MYO3B: variants seen among roughly 807,000 people sequenced by gnomAD.
The protein encoded by MYO3B is myosin IIIB, also known as myosin-IIIb.
A neutral mutation model predicts 174.6 loss-of-function variants in MYO3B; 156 were observed. The ratio of observed to expected loss-of-function variants is 0.89; its 90% CI spans 0.78 to 1.02. The LOEUF is 1.02. MYO3B is among the 50% of genes least tolerant of loss of function. MYO3B has a pLI of 0.00. For missense variants in MYO3B, 1,632 were observed against 1,639.4 expected, an observed-to-expected ratio of 1.00 and a Z score of 0.08; for synonymous variants, 563 against 569.1, an observed-to-expected ratio of 0.99 and a Z score of 0.15.
rs574186694 is a variant in MYO3B at position 170,524,803 on chromosome 2, C to T, written c.3575+5263C>T. Among the ~76,000 whole-genome samples, 48 of 152,158 alleles carry T rather than the reference C, an allele frequency of 3.2e-4. 1 individual carries two copies. The highest frequency in any genetic ancestry group is 5.8e-4 in the East Asian group (3 of 5,166). On this transcript the variant is annotated intron_variant, in intron 30 of 34. Transcript: ENST00000408978. ...CCTGGCCTGTGCTGAGGGTTTTACACGCATTATCCTGTTCAACCTTATGGG... is the reference window on the plus strand; with the variant it reads ...CCTGGCCTGTGCTGAGGGTTTTACATGCATTATCCTGTTCAACCTTATGGG...
chr2:170,357,351 ATT>A lies in MYO3B; in HGVS notation c.816-11868_816-11867del, dbSNP rs34296961. On this transcript the variant is annotated intron_variant, in intron 8 of 34. Coordinates refer to ENST00000408978, the MANE Select transcript of MYO3B (RefSeq NM_138995.5). Reference sequence around the variant, plus strand: ...TAAATAATATATATTATATATATATATTTTATATATTATATATTTATATGTGT... The same window carrying A: ...TAAATAATATATATTATATATATATATTATATATTATATATTTATATGTGT... Among the ~76,000 whole-genome samples the A allele has an allele frequency of 9.6e-3, 1,401 of 146,348 alleles. 24 individuals are homozygous for A. Among genetic ancestry groups the A allele is most frequent in the African/African-American group, 0.032 (1,273 of 40,298 alleles).
chr2:170,184,066 G>A (rs970928751), intron 1 of MYO3B, among the ~76,000 whole-genome samples: 9 of 151,388 alleles, frequency 5.9e-5, no homozygotes, highest in African/African-American at 2.2e-4. Context: ...TTAATTTTTA[G>A]TTTTTGTGGG....
At chr2:170,575,915 C>A (rs1372588454) in intron 32 of MYO3B, among the ~76,000 whole-genome samples, 1 of 152,130 alleles carries the variant, frequency 6.6e-6, no homozygotes, top group Non-Finnish European at 1.5e-5. Context: ...ACTCTCGTAG[C>A]TGAAAGGATT....
chr2:170,391,062 G>A (rs1041591712), intron 14 of MYO3B, among the ~76,000 whole-genome samples: 1 of 152,050 alleles, frequency 6.6e-6, no homozygotes, highest in Admixed American at 6.6e-5. Flanking sequence ...TACCAGCTTG[G>A]GAGAGTGAAA....
rs747686613 is a variant in MYO3B, at chr2:170,383,749, C to T, written c.1225C>T (p.Pro409Ser). Residue 409 changes from proline (P) to serine (S), a missense_variant, in exon 12 of 35, where the codon CCC (proline) becomes TCC (serine). By Grantham distance (74) the Pro-to-Ser change is moderately conservative (BLOSUM62 -1). Transcript: ENST00000408978. ...LYHGVKRASN[P>S]PHIFASADAA... ...TCATGGGGTGAAACGCGCCTCCAAT[C>T]CCCCCCACATATTTGCATCAGCAGA... 4 of 1,611,756 alleles carry T rather than the reference C, an allele frequency of 2.5e-6. No individual in the cohort carries two copies. Among genetic ancestry groups the T allele is most frequent in the Admixed American group, 1.7e-5 (1 of 59,962 alleles).
intron 1 of MYO3B, among the ~76,000 whole-genome samples, chr2:170,190,926 C>T (rs755495052): frequency 6.6e-6 from 1 of 151,866 alleles, no homozygotes; most frequent in African/African-American, 2.4e-5. Context: ...GAGTCCCTCC[C>T]CATTGCTACC....
At chr2:170,225,283 T>A (rs1339511900) in intron 6 of MYO3B, among the ~76,000 whole-genome samples, 39 of 152,240 alleles carry the variant, frequency 2.6e-4, no homozygotes, top group Admixed American at 2.6e-3. Context: ...ATTATTCTTG[T>A]CCTTGGACAA....
intron 7 of MYO3B, among the ~76,000 whole-genome samples, chr2:170,241,773 A>ACTCT (rs1256607439): frequency 6.6e-6 from 1 of 151,018 alleles, no homozygotes; most frequent in African/African-American, 2.4e-5. Context: ...CCTACAATCG[A>ACTCT]CTCTCATCCT....
chr2:170,378,637 C>CT (rs2094311951), intron 9 of MYO3B, among the ~76,000 whole-genome samples: 1 of 152,216 alleles, frequency 6.6e-6, no homozygotes, highest in Non-Finnish European at 1.5e-5. Flanking sequence ...AGCACACAAT[C>CT]TCCTTCAGGC....
chr2:170,652,726 T>C (rs931767602), intron 34 of MYO3B, among the ~76,000 whole-genome samples: 1 of 152,148 alleles, frequency 6.6e-6, no homozygotes, highest in Non-Finnish European at 1.5e-5. Flanking sequence ...ATAAAGCAAG[T>C]TGCAATACGA....
chr2:170,566,093 AC>A, intron 32 of MYO3B, among the ~76,000 whole-genome samples: 2 of 152,356 alleles, frequency 1.3e-5, no homozygotes, highest in South Asian at 4.1e-4. Context: ...AGGTTATAGT[AC>A]ATTAAAATAT....
intron 8 of MYO3B, among the ~76,000 whole-genome samples, chr2:170,356,102 A>G (rs2094118344): frequency 6.6e-6 from 1 of 151,916 alleles, no homozygotes; most frequent in Admixed American, 6.6e-5. Flanking sequence ...CTGGGACTAC[A>G]GGTGCCCGCC....
chr2:170,387,020 T>C, intron 13 of MYO3B, 86 bp from the exon 14 acceptor site: 1 of 1,317,510 alleles, frequency 7.6e-7, no homozygotes, highest in Non-Finnish European at 1.1e-6. Context: ...ACCATGTGGA[T>C]TTTGGTGGGC....
intron 21 of MYO3B, among the ~76,000 whole-genome samples, chr2:170,405,982 G>A (rs1236516262): frequency 6.6e-6 from 1 of 152,130 alleles, no homozygotes; most frequent in East Asian, 1.9e-4. Context: ...TGTAGGTAAT[G>A]CAGGAAGGTT....
intron 7 of MYO3B, among the ~76,000 whole-genome samples, chr2:170,255,567 C>A (rs1425539469): frequency 2.0e-5 from 3 of 152,078 alleles, no homozygotes; most frequent in African/African-American, 7.2e-5. Context: ...CACTGGCCCT[C>A]TGAAAGCACC....
At chr2:170,248,954 T>C (rs2093221903) in intron 7 of MYO3B, among the ~76,000 whole-genome samples, 2 of 152,264 alleles carry the variant, frequency 1.3e-5, no homozygotes, top group East Asian at 3.8e-4. Context: ...GCTCCTTATG[T>C]ACTCATAGCC....
chr2:170,180,680 T>G (rs934385476), intron 1 of MYO3B, among the ~76,000 whole-genome samples: 1 of 152,130 alleles, frequency 6.6e-6, no homozygotes, highest in Non-Finnish European at 1.5e-5. Context: ...GCATATAAAT[T>G]TCTCTCTTTT....
At chr2:170,407,227 C>T (rs936926459) in intron 21 of MYO3B, among the ~76,000 whole-genome samples, 5 of 151,916 alleles carry the variant, frequency 3.3e-5, no homozygotes, top group South Asian at 2.1e-4. Flanking sequence ...TTTGGGAGGC[C>T]GAGGCGGGTG....
At chr2:170,601,806 C>T in intron 32 of MYO3B, 2 of 1,150,180 alleles carry the variant, frequency 1.7e-6, no homozygotes, top group Non-Finnish European at 2.6e-6. Flanking sequence ...CACAAAGCTG[C>T]TTGTCATCTG....
Sources: allele counts gnomAD v4.1 joint callset (sites outside exome capture counted in the v4.1 genomes callset), GRCh38; gene constraint gnomAD v4.1.1; transcripts MANE v1.5; gene names NCBI Gene and HGNC (gene_info 2026-07-23, HGNC 2026-07-21).